GRM8: variants seen among roughly 807,000 people sequenced by gnomAD.
The protein encoded by GRM8 is glutamate metabotropic receptor 8, also known as metabotropic glutamate receptor 8.
A neutral mutation model predicts 87.2 loss-of-function variants in GRM8; 47 were observed. That is an observed-to-expected ratio of 0.54 (90% confidence interval 0.43 to 0.69). The LOEUF is 0.69. Among genes scored for constraint, GRM8 ranks in the 30% least tolerant of loss-of-function variants. The probability of loss-of-function intolerance (pLI) is 0.00; values close to 1 mark genes in which losing one functional copy is unlikely to be tolerated. For synonymous variants in GRM8, 396 were observed against 404.5 expected (o/e 0.98, Z 0.25); for missense variants, 1,019 against 1,139.2 (o/e 0.89, Z 1.52).
At chr7:127,186,027 A>G (rs531264497) in intron 2 of GRM8, among the ~76,000 whole-genome samples, 14 of 152,358 alleles carry the variant, frequency 9.2e-5, no homozygotes, top group Non-Finnish European at 2.1e-4. Context: ...TGGAGAATAC[A>G]GAATCATGAT....
intron 8 of GRM8, among the ~76,000 whole-genome samples, chr7:126,599,214 T>C (rs1223318292): frequency 9.2e-5 from 14 of 152,256 alleles, no homozygotes; most frequent in Admixed American, 9.2e-4. Context: ...CTGGGTCACA[T>C]ACATGCACTC....
chr7:127,059,331 C>CT (rs10618329), intron 3 of GRM8, among the ~76,000 whole-genome samples: 1,737 of 130,576 alleles, frequency 0.013, 23 homozygotes, highest in Admixed American at 0.041. Context: ...TTTTTTTTTG[C>CT]TTTTTTTTTT....
chr7:126,502,006 C>A (rs1809722164), intron 9 of GRM8, among the ~76,000 whole-genome samples: 2 of 151,940 alleles, frequency 1.3e-5, no homozygotes. Flanking sequence ...CAAAAACCAG[C>A]AGCAAGGTTG....
At chr7:126,800,886 G>A (rs1253885349) in intron 6 of GRM8, among the ~76,000 whole-genome samples, 1 of 152,008 alleles carries the variant, frequency 6.6e-6, no homozygotes, top group Non-Finnish European at 1.5e-5. Flanking sequence ...TTAAAGCCAT[G>A]TATTATTAGT....
chr7:126,626,260 T>G (rs17684332), intron 7 of GRM8, among the ~76,000 whole-genome samples: 46,789 of 152,014 alleles, frequency 0.31, 8,066 homozygotes, highest in East Asian at 0.43. Context: ...TTATCAGTCT[T>G]TATAATGATG....
intron 7 of GRM8, among the ~76,000 whole-genome samples, chr7:126,645,732 G>A (rs1802956652): frequency 6.6e-6 from 1 of 152,156 alleles, no homozygotes; most frequent in African/African-American, 2.4e-5. Context: ...TTAGTACTAA[G>A]TAGTACTTCA....
At chr7:126,958,226 C>T (rs1808937932) in intron 3 of GRM8, among the ~76,000 whole-genome samples, 1 of 152,130 alleles carries the variant, frequency 6.6e-6, no homozygotes, top group South Asian at 2.1e-4. Context: ...ACTCAGGACC[C>T]ACCGAATGGT....
rs1214260095 is a variant in GRM8 at position 126,982,902 on chromosome 7, C to T, written c.728-78219G>A. Among the ~76,000 whole-genome samples the T allele has an allele frequency of 2.6e-5, 4 of 152,118 alleles. No homozygotes were observed. The East Asian group carries it at 7.7e-4, about 29-fold the overall frequency. The stretch of plus-strand genomic sequence containing the variant: ...CTGCAGTCCTGCCTGGATTGGGCTG[C>T]TGTAGTTTCCCATTGACCTTAATCA... On this transcript the variant is annotated intron_variant, in intron 3 of 10. Transcript: ENST00000339582.
chr7:126,568,847 G>A (rs1013769907), intron 8 of GRM8, among the ~76,000 whole-genome samples: 1 of 152,072 alleles, frequency 6.6e-6, no homozygotes, highest in Non-Finnish European at 1.5e-5. Context: ...TCTTTAATAA[G>A]TTGGAAATCA....
Position 126,590,263 on chromosome 7 carries a change from C to A in GRM8, c.1494+19099G>T, listed in dbSNP as rs186604085. Among the ~76,000 whole-genome samples, 3 of 151,548 alleles carry A rather than the reference C, an allele frequency of 2.0e-5. No homozygotes were observed. In the East Asian group the frequency reaches 5.9e-4, roughly 30 times the overall value. The stretch of plus-strand genomic sequence containing the variant: ...TGAAAGTCTCAGCAATAGAATTGAA[C>A]AAGCAGAAGAAAGAACTTCAGAGCT... On this transcript the variant is annotated intron_variant, in intron 8 of 10. Coordinates refer to ENST00000339582, the MANE Select transcript of GRM8 (RefSeq NM_000845.3).
At chr7:126,828,226 T>TA (rs1172606798) in intron 6 of GRM8, among the ~76,000 whole-genome samples, 1 of 152,230 alleles carries the variant, frequency 6.6e-6, no homozygotes. Context: ...GCTGGCCTCA[T>TA]AAAATGAGTT....
chr7:126,909,237 C>A, intron 3 of GRM8, among the ~76,000 whole-genome samples: 1 of 152,152 alleles, frequency 6.6e-6, no homozygotes, highest in Non-Finnish European at 1.5e-5. Flanking sequence ...CCTATGACTT[C>A]ATAAGAGGAA....
At position 126,533,309 on chromosome 7, in the gene GRM8, A is replaced by C; in HGVS notation, c.2073T>G (p.Ser691Arg). ...AGGTGATCACCAGCTGAGATGCTGG[A>C]CTAATGAACTTGGGCGCTGTGACAG... ...KKSVTAPKFISPASQLVITFS... is the reference protein window; with the variant it reads ...KKSVTAPKFIRPASQLVITFS... Residue 691 changes from serine (S) to arginine (R), a missense_variant, in exon 9 of 11, where the codon AGT (serine) becomes AGG (arginine). Coordinates refer to ENST00000339582, the MANE Select transcript of GRM8 (RefSeq NM_000845.3). 6.2e-7 allele frequency: 1 copy of C among 1,613,718 alleles called. No homozygotes were observed. Among genetic ancestry groups the C allele is most frequent in the Non-Finnish European group, 8.5e-7 (1 of 1,179,824 alleles).
At chr7:126,859,863 C>T (rs1014744183) in intron 6 of GRM8, among the ~76,000 whole-genome samples, 5 of 152,142 alleles carry the variant, frequency 3.3e-5, no homozygotes, top group African/African-American at 1.2e-4. Flanking sequence ...AACTTCCCCA[C>T]TGCCCTTATA....
At chr7:126,552,767 TA>T (rs1792724397) in intron 8 of GRM8, among the ~76,000 whole-genome samples, 1 of 152,154 alleles carries the variant, frequency 6.6e-6, no homozygotes, top group Admixed American at 6.5e-5. Flanking sequence ...TTTGTCATTA[TA>T]AATTTCCAGT....
intron 6 of GRM8, among the ~76,000 whole-genome samples, chr7:126,806,582 C>G (rs6948359): frequency 0.016 from 2,513 of 152,326 alleles, 62 homozygotes; most frequent in African/African-American, 0.057. Context: ...CATTTACAAA[C>G]CTTTGGCTAG....
intron 2 of GRM8, among the ~76,000 whole-genome samples, chr7:127,208,634 T>A (rs1367639182): frequency 6.6e-6 from 1 of 152,200 alleles, no homozygotes; most frequent in African/African-American, 2.4e-5. Flanking sequence ...GAAGTCAGGA[T>A]CCTCTTGGGA....
intron 8 of GRM8, among the ~76,000 whole-genome samples, chr7:126,571,043 C>G (rs1382045846): frequency 1.3e-5 from 2 of 152,138 alleles, no homozygotes; most frequent in African/African-American, 2.4e-5. Context: ...ACTTTCAAAC[C>G]ACACTGACAC....
At chr7:127,111,025 A>G (rs1826295421) in intron 2 of GRM8, 1 of 152,216 alleles carries the variant, frequency 6.6e-6, no homozygotes, top group Admixed American at 6.5e-5. Flanking sequence ...AAATACTTGA[A>G]GTCCATGCTA....
Sources: gnomAD v4.1 joint callset for allele counts (sites outside exome capture counted in the v4.1 genomes callset) on GRCh38, gnomAD v4.1.1 for gene constraint, MANE v1.5 for transcripts, NCBI Gene and HGNC (gene_info 2026-07-23, HGNC 2026-07-21) for gene names.